ATRNL1: variants seen among roughly 807,000 people sequenced by gnomAD.
The protein encoded by ATRNL1 is attractin-like protein 1.
A neutral mutation model predicts 182.7 loss-of-function variants in ATRNL1; 95 were observed. That is an observed-to-expected ratio of 0.52 (90% CI 0.44 to 0.62). ATRNL1 has a LOEUF of 0.62. Among genes scored for constraint, ATRNL1 ranks in the 20% least tolerant of loss-of-function variants. The pLI is 0.00. For missense variants in ATRNL1, 1,471 were observed against 1,679.5 expected, an observed-to-expected ratio of 0.88 and a Z score of 2.17; for synonymous variants, 576 against 568.3, an observed-to-expected ratio of 1.01 and a Z score of -0.19.
At position 115,582,886 on chromosome 10, in the gene ATRNL1, G is replaced by A. The variant is rs1211397753; in HGVS notation, c.3795+33350G>A. On this transcript the variant is annotated intron_variant, in intron 26 of 28. Coordinates refer to ENST00000355044, the MANE Select transcript of ATRNL1 (RefSeq NM_207303.4). ...GAGTTTTTATGGTTTTAGGTCTAAC[G>A]TTTAAGTCTTTAATCCATCTTGAAT... Among the ~76,000 whole-genome samples the A allele has an allele frequency of 6.8e-3, 1,025 of 150,926 alleles. 16 individuals carry two copies. The highest frequency in any genetic ancestry group is 0.023 in the African/African-American group (964 of 41,042).
chr10:115,862,530 A>G (rs1472178184), intron 28 of ATRNL1, among the ~76,000 whole-genome samples: 1 of 152,226 alleles, frequency 6.6e-6, no homozygotes, highest in East Asian at 1.9e-4. Flanking sequence ...AAATTAAAAC[A>G]CTACTGAAAT....
intron 21 of ATRNL1, among the ~76,000 whole-genome samples, chr10:115,442,303 C>CTCTCTCTCTCTCTCTCTCTGTG (rs782157017): frequency 0.037 from 4,562 of 123,196 alleles, 256 homozygotes; most frequent in Non-Finnish European, 0.058. Flanking sequence ...CTCTCTCTCT[C>CTCTCTCTCTCTCTCTCTCTGTG]TGTGTGTATG....
intron 26 of ATRNL1, among the ~76,000 whole-genome samples, chr10:115,656,722 T>G (rs1181522127): frequency 6.6e-6 from 1 of 152,116 alleles, no homozygotes; most frequent in Non-Finnish European, 1.5e-5. Context: ...GGTAGGAGAG[T>G]GTTCACTGAC....
chr10:115,770,755 G>A (rs1758046730), intron 27 of ATRNL1, among the ~76,000 whole-genome samples: 2 of 152,082 alleles, frequency 1.3e-5, no homozygotes, highest in South Asian at 4.1e-4. Flanking sequence ...ACATCAGTTG[G>A]TAAGTTAGAA....
intron 26 of ATRNL1, among the ~76,000 whole-genome samples, chr10:115,625,200 C>T (rs1858016064): frequency 6.6e-6 from 1 of 152,078 alleles, no homozygotes; most frequent in Admixed American, 6.5e-5. Context: ...ATATTTGGAA[C>T]AGTACATTTT....
At chr10:115,799,852 G>A (rs1448866929) in intron 27 of ATRNL1, among the ~76,000 whole-genome samples, 1 of 152,158 alleles carries the variant, frequency 6.6e-6, no homozygotes, top group Non-Finnish European at 1.5e-5. Context: ...TACTCTGCCA[G>A]CCACTTTACA....
chr10:115,660,177 T>C (rs1179617480), intron 26 of ATRNL1, among the ~76,000 whole-genome samples: 1 of 152,012 alleles, frequency 6.6e-6, no homozygotes, highest in Admixed American at 6.6e-5. Flanking sequence ...AGTAATCAGA[T>C]TTCAGAGAGA....
At chr10:115,265,786 C>G (rs1554910489) in intron 11 of ATRNL1, among the ~76,000 whole-genome samples, 1 of 151,684 alleles carries the variant, frequency 6.6e-6, no homozygotes, top group Non-Finnish European at 1.5e-5. Flanking sequence ...ATTGCCTTCC[C>G]CATTTAAGTT....
chr10:115,134,719 A>C (rs1165647598), intron 5 of ATRNL1, among the ~76,000 whole-genome samples: 1 of 152,212 alleles, frequency 6.6e-6, no homozygotes, highest in Non-Finnish European at 1.5e-5. Flanking sequence ...AAAGCCTGGC[A>C]GAGACACAAC....
chr10:115,172,067 T>G (rs570555692), intron 8 of ATRNL1, among the ~76,000 whole-genome samples: 6 of 152,154 alleles, frequency 3.9e-5, no homozygotes, highest in Admixed American at 2.0e-4. Context: ...TGTGCAGTCT[T>G]AATGAGAAAA....
chr10:115,417,489 T>TC (rs1430962428), intron 20 of ATRNL1, among the ~76,000 whole-genome samples: 1 of 151,876 alleles, frequency 6.6e-6, no homozygotes, highest in Non-Finnish European at 1.5e-5. Flanking sequence ...GACCCCCAGC[T>TC]CCCCCCACTG....
At chr10:115,543,719 T>C (rs984783128) in intron 25 of ATRNL1, among the ~76,000 whole-genome samples, 8 of 152,296 alleles carry the variant, frequency 5.3e-5, no homozygotes, top group South Asian at 4.1e-4. Flanking sequence ...TTGAATTCTT[T>C]TAATTTTCCC....
At chr10:115,129,688 C>T (rs1450503864) in intron 5 of ATRNL1, among the ~76,000 whole-genome samples, 153 bp downstream of exon 5, 4 of 152,110 alleles carry the variant, frequency 2.6e-5, no homozygotes, top group Non-Finnish European at 5.9e-5. Flanking sequence ...TAATCAACTT[C>T]TTAATAATTT....
chr10:115,251,287 A>G lies in ATRNL1; in HGVS notation c.1687+9562A>G, dbSNP rs1850866188. Among the ~76,000 whole-genome samples the G allele has an allele frequency of 2.6e-5, 4 of 152,276 alleles. No homozygotes were observed. The South Asian group carries it at 8.3e-4, about 32-fold the overall frequency. Reference sequence around the variant, plus strand: ...TCTCTCTGGAATGTGATAGTATTTTAAAATTTATTGTATTATCCAGGGGAT... The same window carrying G: ...TCTCTCTGGAATGTGATAGTATTTTGAAATTTATTGTATTATCCAGGGGAT... On this transcript the variant is annotated intron_variant, in intron 10 of 28. Transcript: ENST00000355044.
At chr10:115,844,018 T>A (rs1555098060) in intron 27 of ATRNL1, among the ~76,000 whole-genome samples, 1 of 152,084 alleles carries the variant, frequency 6.6e-6, no homozygotes, top group African/African-American at 2.4e-5. Context: ...ATCGGGTAGG[T>A]ATTGACATCA....
intron 19 of ATRNL1, among the ~76,000 whole-genome samples, chr10:115,387,662 T>C (rs1858440888): frequency 6.6e-6 from 1 of 152,242 alleles, no homozygotes; most frequent in Non-Finnish European, 1.5e-5. Flanking sequence ...CTGTTATAAA[T>C]AGCTCCTATA....
chr10:115,883,818 A>C (rs1379151047), intron 28 of ATRNL1, among the ~76,000 whole-genome samples: 1 of 152,218 alleles, frequency 6.6e-6, no homozygotes, highest in African/African-American at 2.4e-5. Context: ...CCTGGGTAAG[A>C]ATCTCTGACC....
chr10:115,869,472 C>A (rs1555105549), intron 28 of ATRNL1, among the ~76,000 whole-genome samples: 1 of 152,060 alleles, frequency 6.6e-6, no homozygotes, highest in East Asian at 1.9e-4. Flanking sequence ...TGCACAGGTG[C>A]TGTGGACAGG....
chr10:115,313,669 G>C lies in ATRNL1; in HGVS notation c.2819-1849G>C, dbSNP rs555258587. Among the ~76,000 whole-genome samples, 4 of 151,956 alleles carry C rather than the reference G, an allele frequency of 2.6e-5. No individual in the cohort carries two copies. In the South Asian group the frequency reaches 6.2e-4, roughly 24 times the overall value. Reference sequence around the variant, plus strand: ...GTAAAATCTGGCTGTTGCTAAAGCAGGTATCATGATCCTTTCTTAAGAAAA... The same window carrying C: ...GTAAAATCTGGCTGTTGCTAAAGCACGTATCATGATCCTTTCTTAAGAAAA... On this transcript the variant is annotated intron_variant, in intron 17 of 28. Coordinates refer to ENST00000355044, the MANE Select transcript of ATRNL1 (RefSeq NM_207303.4).
Sources: allele counts gnomAD v4.1 joint callset (sites outside exome capture counted in the v4.1 genomes callset), GRCh38; gene constraint gnomAD v4.1.1; transcripts MANE v1.5; gene names NCBI Gene and HGNC (gene_info 2026-07-23, HGNC 2026-07-21).